Variants in GRM8 observed in about 807,000 individuals in gnomAD.
GRM8 encodes the protein metabotropic glutamate receptor 8.
A neutral mutation model predicts 87.2 loss-of-function variants in GRM8; 47 were observed. That is an observed-to-expected ratio of 0.54 (90% CI 0.43 to 0.69). The LOEUF (loss-of-function observed/expected upper bound fraction) is 0.69, where lower values mean the gene tolerates loss of function less well. GRM8 is among the 30% of genes least tolerant of loss of function. The pLI, the probability that GRM8 is intolerant of heterozygous loss-of-function variation, is 0.00. For missense variants in GRM8, 1,019 were observed against 1,139.2 expected (o/e 0.89, Z 1.52); for synonymous variants, 396 against 404.5 (o/e 0.98, Z 0.25).
chr7:126,533,763 C>A lies in GRM8; in HGVS notation c.1619G>T (p.Arg540Leu), dbSNP rs775413219. The A allele has an allele frequency of 9.3e-6, 15 of 1,614,040 alleles. No homozygotes were observed. The highest frequency in any genetic ancestry group is 1.3e-5 in the Non-Finnish European group (15 of 1,179,956). The change falls in exon 9 of 11, where the codon CGC (arginine) becomes CTC (leucine). Residue 540 changes from arginine to leucine, a missense_variant. Physicochemically the swap from Arg to Leu is moderately radical, Grantham distance 102 (BLOSUM62 -2). Coordinates refer to ENST00000339582, the MANE Select transcript of GRM8 (RefSeq NM_000845.3). ...KGVPCCWHCERCEGYNYQVDE... is the reference protein window; with the variant it reads ...KGVPCCWHCELCEGYNYQVDE... ...CACCTGGTAGTTGTAACCTTCACAGCGTTCACAGTGCCAGCAGCAAGGGAC... is the reference window on the plus strand; with the variant it reads ...CACCTGGTAGTTGTAACCTTCACAGAGTTCACAGTGCCAGCAGCAAGGGAC...
intron 7 of GRM8, among the ~76,000 whole-genome samples, chr7:126,699,118 C>G (rs1214627428): frequency 6.6e-6 from 1 of 152,160 alleles, no homozygotes; most frequent in Non-Finnish European, 1.5e-5. Flanking sequence ...AACCCTGCAC[C>G]TGACTGCCAG....
intron 3 of GRM8, among the ~76,000 whole-genome samples, chr7:126,967,825 G>T (rs922829382): frequency 6.6e-6 from 1 of 152,014 alleles, no homozygotes; most frequent in Non-Finnish European, 1.5e-5. Flanking sequence ...AATAGTCCTC[G>T]CTTCAAACAG....
intron 8 of GRM8, among the ~76,000 whole-genome samples, chr7:126,592,505 C>T (rs1426294426): frequency 6.6e-6 from 1 of 151,844 alleles, no homozygotes; most frequent in Admixed American, 6.6e-5. Context: ...TGATACATCA[C>T]ATTAACTGAA....
At chr7:126,845,889 T>C (rs543150960) in intron 6 of GRM8, among the ~76,000 whole-genome samples, 34 of 151,678 alleles carry the variant, frequency 2.2e-4, no homozygotes, top group Non-Finnish European at 3.4e-4. Flanking sequence ...GTGAATCCCT[T>C]AGAGTGATGT....
chr7:126,495,326 A>G (rs1329813060), intron 9 of GRM8, among the ~76,000 whole-genome samples: 1 of 152,044 alleles, frequency 6.6e-6, no homozygotes, highest in Non-Finnish European at 1.5e-5. Flanking sequence ...CAGAAATACA[A>G]GCAAGAATAA....
chr7:126,470,995 A>G (rs1805128821), intron 9 of GRM8, among the ~76,000 whole-genome samples: 1 of 152,162 alleles, frequency 6.6e-6, no homozygotes. Context: ...TCTTCTTTTG[A>G]GAAGTGTCTG....
At chr7:126,473,523 T>C (rs1309392450) in intron 9 of GRM8, among the ~76,000 whole-genome samples, 1 of 152,198 alleles carries the variant, frequency 6.6e-6, no homozygotes, top group Non-Finnish European at 1.5e-5. Flanking sequence ...TGTAGGCTTA[T>C]AGGCACAAGG....
At chr7:126,757,452 A>T (rs975134204) in intron 7 of GRM8, among the ~76,000 whole-genome samples, 1 of 152,182 alleles carries the variant, frequency 6.6e-6, no homozygotes, top group African/African-American at 2.4e-5. Context: ...TACTTTCTCT[A>T]AAGTTAACAA....
At chr7:126,890,362 T>C (rs1206677260) in intron 6 of GRM8, among the ~76,000 whole-genome samples, 1 of 152,120 alleles carries the variant, frequency 6.6e-6, no homozygotes, top group Non-Finnish European at 1.5e-5. Context: ...TATTTTAATG[T>C]ATTAGTCTGG....
chr7:126,467,151 C>T (rs534328290), intron 9 of GRM8, among the ~76,000 whole-genome samples: 1 of 151,520 alleles, frequency 6.6e-6, no homozygotes, highest in Non-Finnish European at 1.5e-5. Context: ...CCTAGCCCCC[C>T]ACCCCCCGAC....
rs374468891 is a variant in GRM8 at position 126,868,554 on chromosome 7, A to G, written c.1156+33988T>C. On this transcript the variant is annotated intron_variant, in intron 6 of 10. Transcript: ENST00000339582. Reference sequence around the variant, plus strand: ...CATCCTTTGGGAAGATTAAGTAGACATTAATAGAAGACCAGTGTATATACA... The same window carrying G: ...CATCCTTTGGGAAGATTAAGTAGACGTTAATAGAAGACCAGTGTATATACA... Among the ~76,000 whole-genome samples, 15 of 152,358 alleles carry G rather than the reference A, an allele frequency of 9.8e-5. No homozygotes were observed. In the South Asian group the frequency reaches 2.3e-3, roughly 23 times the overall value.
At chr7:127,168,257 G>A (rs562888206) in intron 2 of GRM8, among the ~76,000 whole-genome samples, 28 of 152,254 alleles carry the variant, frequency 1.8e-4, no homozygotes, top group Non-Finnish European at 2.8e-4. Context: ...ATTTTAAAAA[G>A]CTCTTCATCA....
intron 6 of GRM8, among the ~76,000 whole-genome samples, chr7:126,792,029 G>C (rs2151677231): frequency 6.6e-6 from 1 of 152,260 alleles, no homozygotes; most frequent in African/African-American, 2.4e-5. Flanking sequence ...TAAGTGATAT[G>C]GTTTCAGAGT....
intron 7 of GRM8, among the ~76,000 whole-genome samples, chr7:126,626,668 A>C (rs1057425249): frequency 6.6e-6 from 1 of 152,016 alleles, no homozygotes; most frequent in African/African-American, 2.4e-5. Flanking sequence ...CAAGTTTCCT[A>C]TTTTTCTTTC....
At chr7:126,439,825 A>AGTGTGTGTGTGTGT (rs57638512) in intron 10 of GRM8, among the ~76,000 whole-genome samples, 12,203 of 142,518 alleles carry the variant, frequency 0.086, 595 homozygotes, top group African/African-American at 0.11. Flanking sequence ...GGCCTAGGCT[A>AGTGTGTGTGTGTGT]GTGTGTGTGT....
intron 7 of GRM8, among the ~76,000 whole-genome samples, chr7:126,637,078 C>T (rs1318108325): frequency 2.0e-5 from 3 of 151,988 alleles, no homozygotes; most frequent in African/African-American, 7.2e-5. Context: ...TTGTCAAGTT[C>T]ATTGATTGTA....
At position 126,571,742 on chromosome 7, in the gene GRM8, AT is replaced by A. The variant is rs202148877; in HGVS notation, c.1494+37619del. ...AGGAGACCAATTCCAAATATACAGG[AT>A]TTTTTTTTTTTTTTTGAGATGGAGT... On this transcript the variant is annotated intron_variant, in intron 8 of 10. Transcript: ENST00000339582. Among the ~76,000 whole-genome samples, 828 of 141,022 alleles carry A rather than the reference AT, an allele frequency of 5.9e-3. 4 individuals are homozygous for A. Among genetic ancestry groups the A allele is most frequent in the African/African-American group, 0.014 (543 of 38,140 alleles). 92.5% of individuals were successfully genotyped at this position (141,022 alleles called of 152,430 possible).
chr7:126,807,478 T>C (rs537575203), intron 6 of GRM8, among the ~76,000 whole-genome samples: 5 of 152,302 alleles, frequency 3.3e-5, no homozygotes, highest in East Asian at 1.9e-4. Flanking sequence ...AACCCTCGGT[T>C]TGACAAACTT....
intron 3 of GRM8, among the ~76,000 whole-genome samples, chr7:126,969,548 C>T (rs1810206796): frequency 6.6e-6 from 1 of 152,190 alleles, no homozygotes; most frequent in East Asian, 1.9e-4. Flanking sequence ...AATTCAGTCA[C>T]ATCATCAAAT....
Sources: allele counts gnomAD v4.1 joint callset (sites outside exome capture counted in the v4.1 genomes callset), GRCh38; gene constraint gnomAD v4.1.1; transcripts MANE v1.5; gene names NCBI Gene and HGNC (gene_info 2026-07-23, HGNC 2026-07-21).